Variants in SMYD3 observed in about 807,000 individuals in gnomAD.
SMYD3 encodes the protein histone-lysine N-methyltransferase SMYD3.
Under a neutral mutation model 57.7 loss-of-function variants are expected in SMYD3, and 36 were observed. The ratio of observed to expected loss-of-function variants is 0.62; its 90% CI spans 0.48 to 0.82. The LOEUF (loss-of-function observed/expected upper bound fraction) is 0.82. Ranked by LOEUF, SMYD3 falls within the 40% of genes least tolerant of loss-of-function variation. The pLI is 0.00. For synonymous variants in SMYD3, 211 were observed against 195.0 expected (o/e 1.08, Z -0.68); for missense variants, 515 against 538.8 (o/e 0.96, Z 0.44).
chr1:245,905,226 A>G (rs2054481059), intron 8 of SMYD3, among the ~76,000 whole-genome samples: 1 of 151,924 alleles, frequency 6.6e-6, no homozygotes, highest in Non-Finnish European at 1.5e-5. Flanking sequence ...AGAGAAAAAT[A>G]AAAGGGACTC....
At chr1:245,929,323 C>T (rs752148046) in intron 6 of SMYD3, among the ~76,000 whole-genome samples, 1 of 152,198 alleles carries the variant, frequency 6.6e-6, no homozygotes, top group Non-Finnish European at 1.5e-5. Context: ...GGCATAAAAA[C>T]AAAATGAAAC....
intron 5 of SMYD3, among the ~76,000 whole-genome samples, chr1:245,933,836 T>G (rs1406300771): frequency 6.6e-6 from 1 of 152,180 alleles, no homozygotes; most frequent in East Asian, 1.9e-4. Flanking sequence ...AAATCACTAC[T>G]AAGCCATTAT....
intron 1 of SMYD3, among the ~76,000 whole-genome samples, chr1:246,493,350 A>T (rs752466669): frequency 1.1e-4 from 16 of 152,178 alleles, no homozygotes; most frequent in Non-Finnish European, 1.8e-4. Flanking sequence ...AGGCAGCTGT[A>T]GCAAATACAT....
chr1:246,230,755 T>C (rs1217911726), intron 5 of SMYD3, among the ~76,000 whole-genome samples: 5 of 152,230 alleles, frequency 3.3e-5, no homozygotes, highest in Admixed American at 6.5e-5. Context: ...ATCAGCACCA[T>C]TTAATATGGT....
chr1:246,427,398 T>C (rs1006342666), intron 1 of SMYD3, among the ~76,000 whole-genome samples: 2 of 150,348 alleles, frequency 1.3e-5, no homozygotes, highest in Non-Finnish European at 3.0e-5. Context: ...CGGGCGCCTG[T>C]AGTCCCAGCT....
intron 5 of SMYD3, among the ~76,000 whole-genome samples, chr1:245,983,286 TAGAAAA>T (rs1273489056): frequency 1.3e-5 from 2 of 152,136 alleles, no homozygotes; most frequent in African/African-American, 2.4e-5. Context: ...GGAAAGAAAA[TAGAAAA>T]AGAAAATTAA....
intron 8 of SMYD3, 97 bp from the exon 9 acceptor site, chr1:245,863,983 C>T: frequency 1.8e-6 from 2 of 1,096,188 alleles, no homozygotes; most frequent in East Asian, 2.4e-5. Flanking sequence ...GCCTGCAAGC[C>T]CCTGAAAAGA....
At chr1:246,398,361 A>T (rs996580917) in intron 1 of SMYD3, among the ~76,000 whole-genome samples, 13 of 152,242 alleles carry the variant, frequency 8.5e-5, no homozygotes, top group Non-Finnish European at 1.8e-4. Flanking sequence ...CACGCCCAGA[A>T]ATGGGCAAGG....
At chr1:246,495,848 G>A (rs1299174671) in intron 1 of SMYD3, among the ~76,000 whole-genome samples, 3 of 151,724 alleles carry the variant, frequency 2.0e-5, no homozygotes, top group Admixed American at 2.0e-4. Flanking sequence ...GCTACTCAGA[G>A]GGCGGAGGTA....
chr1:246,333,255 G>A (rs1471094814), intron 3 of SMYD3, among the ~76,000 whole-genome samples: 1 of 152,176 alleles, frequency 6.6e-6, no homozygotes, highest in Non-Finnish European at 1.5e-5. Context: ...GACTTCAGTA[G>A]AGGAAGTAAG....
At chr1:246,079,765 T>C (rs193032635) in intron 5 of SMYD3, among the ~76,000 whole-genome samples, 1 of 152,076 alleles carries the variant, frequency 6.6e-6, no homozygotes, top group African/African-American at 2.4e-5. Flanking sequence ...AAAAACAAAG[T>C]AGGGGATGTT....
chr1:245,966,950 G>A (rs184991839), intron 5 of SMYD3, among the ~76,000 whole-genome samples: 26 of 152,150 alleles, frequency 1.7e-4, no homozygotes, highest in African/African-American at 5.1e-4. Context: ...GCTTCTCATC[G>A]ATATCCACCA....
intron 10 of SMYD3, among the ~76,000 whole-genome samples, chr1:245,855,165 G>A (rs1015283751): frequency 6.6e-6 from 1 of 152,114 alleles, no homozygotes; most frequent in Non-Finnish European, 1.5e-5. Flanking sequence ...CAGAACGGGC[G>A]AATGTCCTGA....
chr1:246,490,543 G>T (rs1335035052), intron 1 of SMYD3, among the ~76,000 whole-genome samples: 1 of 152,192 alleles, frequency 6.6e-6, no homozygotes, highest in African/African-American at 2.4e-5. Flanking sequence ...ACCAAATTAA[G>T]ACCTAAATTA....
chr1:246,266,700 G>C (rs932299760), intron 5 of SMYD3, among the ~76,000 whole-genome samples: 3 of 152,112 alleles, frequency 2.0e-5, no homozygotes, highest in Non-Finnish European at 4.4e-5. Context: ...GCTGAGGCAG[G>C]AGAATTGCTT....
chr1:246,338,610 T>C (rs2065581247), intron 2 of SMYD3, among the ~76,000 whole-genome samples: 1 of 152,134 alleles, frequency 6.6e-6, no homozygotes, highest in Non-Finnish European at 1.5e-5. Flanking sequence ...GAAATTAAAA[T>C]ACTACATTAA....
intron 1 of SMYD3, among the ~76,000 whole-genome samples, chr1:246,441,122 C>T (rs2067457094): frequency 6.6e-6 from 1 of 152,176 alleles, no homozygotes; most frequent in Admixed American, 6.5e-5. Context: ...ATTCCAGACA[C>T]ATGAAGAGGA....
intron 8 of SMYD3, among the ~76,000 whole-genome samples, chr1:245,879,009 G>A (rs1172465089): frequency 2.0e-5 from 3 of 152,202 alleles, no homozygotes; most frequent in African/African-American, 2.4e-5. Flanking sequence ...GAAGAGCAGT[G>A]TTATTTCTTT....
At chr1:245,938,951 C>G (rs1160270207) in intron 5 of SMYD3, among the ~76,000 whole-genome samples, 2 of 151,834 alleles carry the variant, frequency 1.3e-5, no homozygotes, top group Non-Finnish European at 2.9e-5. Flanking sequence ...TTCAAGACCA[C>G]CCTGGCCAAC....
Sources: gnomAD v4.1 joint callset for allele counts (sites outside exome capture counted in the v4.1 genomes callset) on GRCh38, gnomAD v4.1.1 for gene constraint, MANE v1.5 for transcripts, NCBI Gene and HGNC (gene_info 2026-07-23, HGNC 2026-07-21) for gene names.